CDH18: variants seen among roughly 807,000 people sequenced by gnomAD.
CDH18 encodes cadherin-18.
Under a neutral mutation model 67.9 loss-of-function variants are expected in CDH18, and 31 were observed. That is an observed-to-expected ratio of 0.46 (90% CI 0.34 to 0.62). The LOEUF is 0.62. CDH18 is among the 20% of genes least tolerant of loss of function. The probability of loss-of-function intolerance (pLI) is 0.01; values close to 1 mark genes in which losing one functional copy is unlikely to be tolerated. For synonymous variants in CDH18, 362 were observed against 347.2 expected (o/e 1.04, Z -0.48); for missense variants, 890 against 975.5 (o/e 0.91, Z 1.17).
At chr5:20,011,420 T>C (rs1737426100) in intron 2 of CDH18, among the ~76,000 whole-genome samples, 1 of 152,144 alleles carries the variant, frequency 6.6e-6, no homozygotes, top group Admixed American at 6.6e-5. Context: ...TTTGACTTCC[T>C]CTCTTCCTAT....
At chr5:20,044,586 T>C (rs536240265) in intron 2 of CDH18, among the ~76,000 whole-genome samples, 2 of 152,238 alleles carry the variant, frequency 1.3e-5, no homozygotes, top group East Asian at 3.9e-4. Flanking sequence ...ATGCAAAAGA[T>C]CTTCTTTGCA....
At chr5:19,789,700 C>T (rs2149809243) in intron 3 of CDH18, among the ~76,000 whole-genome samples, 1 of 152,190 alleles carries the variant, frequency 6.6e-6, no homozygotes, top group Admixed American at 6.5e-5. Flanking sequence ...AGAAAAAGCA[C>T]AAGCTCACTG....
chr5:20,432,791 G>A (rs1429596523), intron 1 of CDH18, among the ~76,000 whole-genome samples: 5 of 151,656 alleles, frequency 3.3e-5, no homozygotes, highest in Non-Finnish European at 7.4e-5. Context: ...GCCTAATACA[G>A]TTGCATTCTG....
chr5:19,965,627 T>C (rs1315264204), intron 2 of CDH18, among the ~76,000 whole-genome samples: 4 of 152,218 alleles, frequency 2.6e-5, no homozygotes, highest in Non-Finnish European at 5.9e-5. Context: ...TCTTTTATTC[T>C]GATAATTACT....
chr5:19,654,335 T>C (rs190212661), intron 5 of CDH18, among the ~76,000 whole-genome samples: 5 of 152,350 alleles, frequency 3.3e-5, no homozygotes, highest in Non-Finnish European at 7.3e-5. Context: ...TACACCAGTA[T>C]ATTTGAAACT....
In CDH18 at chr5:19,598,402, A is replaced by C. The variant is rs148328825; in HGVS notation, c.812-7158T>G. 4.3e-3 allele frequency among the ~76,000 whole-genome samples: 658 copies of C among 152,264 alleles called. 7 individuals carry two copies. Among genetic ancestry groups the C allele is most frequent in the African/African-American group, 0.015 (632 of 41,568 alleles). On this transcript the variant is annotated intron_variant, in intron 6 of 12. Coordinates refer to ENST00000382275, the MANE Select transcript of CDH18 (RefSeq NM_004934.5). ...CTCCAACTTTACGCTGGGCATTTAC[A>C]ATCTTGCATCTTTTTTTAAAAAAGG... is the stretch of plus-strand genomic sequence containing the variant.
At chr5:19,990,706 T>A (rs1451887976), upstream of CDH18, among the ~76,000 whole-genome samples, 1 of 152,132 alleles carries the variant, frequency 6.6e-6, no homozygotes, top group Non-Finnish European at 1.5e-5. Context: ...TCCCTAGCCA[T>A]TGAAAAGTGG....
chr5:20,562,531 C>T lies in CDH18; in HGVS notation c.-580+12931G>A, dbSNP rs1758277463. On this transcript the variant is annotated intron_variant, in intron 1 of 14. Transcript: ENST00000507958. ...TGTATATGATAAAAATGTGTTTCAC[C>T]TGCATTTAGTATTATGATGTTAAAC... 2.6e-5 allele frequency among the ~76,000 whole-genome samples: 4 copies of T among 151,408 alleles called. No individual in the cohort carries two copies. The Admixed American group carries it at 2.6e-4, about 10-fold the overall frequency.
intron 3 of CDH18, among the ~76,000 whole-genome samples, chr5:19,770,673 G>T (rs946336696): frequency 6.6e-6 from 1 of 152,030 alleles, no homozygotes; most frequent in Non-Finnish European, 1.5e-5. Context: ...AAAGTCCACA[G>T]AGTGTAGTCA....
intron 5 of CDH18, among the ~76,000 whole-genome samples, chr5:19,617,538 G>A (rs938350904): frequency 6.6e-6 from 1 of 152,074 alleles, no homozygotes; most frequent in African/African-American, 2.4e-5. Flanking sequence ...AAAATAAAAT[G>A]CTTCTCTTTT....
chr5:20,070,440 T>G (rs1287296203), intron 2 of CDH18, among the ~76,000 whole-genome samples: 2 of 152,174 alleles, frequency 1.3e-5, no homozygotes, highest in East Asian at 3.9e-4. Context: ...CACATACTCT[T>G]TATTTTTAGA....
At chr5:20,063,773 T>C (rs1742717799) in intron 2 of CDH18, among the ~76,000 whole-genome samples, 1 of 152,144 alleles carries the variant, frequency 6.6e-6, no homozygotes, top group African/African-American at 2.4e-5. Flanking sequence ...TAAATATCTT[T>C]AGATATAAAT....
Position 19,594,078 on chromosome 5 carries a change from T to G in CDH18, c.812-2834A>C, listed in dbSNP as rs772016774. Among the ~76,000 whole-genome samples the G allele has an allele frequency of 1.1e-3, 171 of 152,278 alleles. 1 individual carries two copies. The highest frequency in any genetic ancestry group is 1.9e-3 in the Non-Finnish European group (127 of 68,032). ...TTAATCCAGTTTGAATTAGTGTTTG[T>G]GTATGATATACAAAAAGAAGCCATT... On this transcript the variant is annotated intron_variant, in intron 6 of 12. Transcript: ENST00000382275.
At chr5:20,417,517 T>C (rs1747414148) in intron 1 of CDH18, among the ~76,000 whole-genome samples, 1 of 152,196 alleles carries the variant, frequency 6.6e-6, no homozygotes, top group African/African-American at 2.4e-5. Context: ...TAGAAGGTAT[T>C]GGGGAAGTAA....
chr5:19,771,253 T>C (rs1044749614), intron 3 of CDH18, among the ~76,000 whole-genome samples: 1 of 152,196 alleles, frequency 6.6e-6, no homozygotes, highest in African/African-American at 2.4e-5. Context: ...TGTAATAAGA[T>C]AAAAGTGATG....
intron 8 of CDH18, among the ~76,000 whole-genome samples, chr5:19,544,382 A>C: frequency 6.6e-6 from 1 of 152,252 alleles, no homozygotes; most frequent in Non-Finnish European, 1.5e-5. Flanking sequence ...ATTATTCAAA[A>C]AAAATTAGAA....
intron 3 of CDH18, among the ~76,000 whole-genome samples, chr5:19,830,028 C>A (rs1044040739): frequency 2.0e-5 from 3 of 152,144 alleles, no homozygotes; most frequent in Non-Finnish European, 4.4e-5. Context: ...ACATCATTTA[C>A]AACAATGAAC....
At chr5:20,086,872 C>T (rs946195535) in intron 2 of CDH18, among the ~76,000 whole-genome samples, 2 of 152,138 alleles carry the variant, frequency 1.3e-5, no homozygotes, top group East Asian at 3.9e-4. Flanking sequence ...GCTAACACAA[C>T]ATCCATTCTG....
intron 5 of CDH18, among the ~76,000 whole-genome samples, chr5:19,633,076 T>A (rs977543770): frequency 6.6e-6 from 1 of 152,218 alleles, no homozygotes; most frequent in African/African-American, 2.4e-5. Flanking sequence ...TCCCTTGTCG[T>A]ATTCAGAGAA....
Sources: gnomAD v4.1 joint callset for allele counts (sites outside exome capture counted in the v4.1 genomes callset) on GRCh38, gnomAD v4.1.1 for gene constraint, MANE v1.5 for transcripts, NCBI Gene and HGNC (gene_info 2026-07-23, HGNC 2026-07-21) for gene names.